The following SNED1 variants were observed in gnomAD, a reference collection of about 807,000 sequenced individuals.
SNED1 encodes the protein sushi, nidogen and EGF-like domain-containing protein 1.
Under a neutral mutation model 166.7 loss-of-function variants are expected in SNED1, and 81 were observed. That is an observed-to-expected ratio of 0.49 (90% CI 0.41 to 0.58). The LOEUF is 0.58. SNED1 is among the 20% of genes least tolerant of loss of function. The probability of loss-of-function intolerance (pLI) is 0.00; values close to 1 mark genes in which losing one functional copy is unlikely to be tolerated. For synonymous variants in SNED1, 762 were observed against 822.0 expected, an observed-to-expected ratio of 0.93 and a Z score of 1.25; for missense variants, 1,604 against 2,000.2, an observed-to-expected ratio of 0.80 and a Z score of 3.78.
At position 240,998,743 on chromosome 2, in the gene SNED1, G is replaced by A; in HGVS notation, c.-95G>A. 2.1e-6 allele frequency: 1 copy of A among 471,406 alleles called. No individual in the cohort carries two copies. Among genetic ancestry groups the A allele is most frequent in the Non-Finnish European group, 2.8e-6 (1 of 360,930 alleles). The allele number at this position is 471,406 out of a possible 1,614,324, so 29.2% of individuals were successfully genotyped here. A position where few individuals can be genotyped will look rare whatever the true frequency, so the allele number is the denominator to read the frequency against. ...GCCAGCGGGCGCGCCCGCGCTCCCC[G>A]CACCCCGCCTGGCCCTGCCGGCCAC... On this transcript the variant is annotated 5_prime_UTR_variant, in exon 1 of 32. Transcript: ENST00000310397.
intron 1 of SNED1, among the ~76,000 whole-genome samples, chr2:241,026,952 C>T (rs1383512933): frequency 6.6e-6 from 1 of 152,196 alleles, no homozygotes; most frequent in Non-Finnish European, 1.5e-5. Context: ...CTTTCTGTCT[C>T]TATGAATTTG....
intron 28 of SNED1, 44 bp from the exon 29 acceptor site, chr2:241,082,233 G>A (rs751819438): frequency 1.1e-5 from 17 of 1,499,212 alleles, no homozygotes; most frequent in Non-Finnish European, 1.5e-5. Context: ...GGCAGGAGGA[G>A]CCGTCAGGAG....
chr2:241,053,463 T>G lies in SNED1; in HGVS notation c.2257+137T>G. 4.6e-6 allele frequency: 4 copies of G among 863,784 alleles called. No homozygotes were observed. In the Admixed American group the frequency reaches 1.2e-4, roughly 25 times the overall value. 53.5% of individuals were successfully genotyped at this position (863,784 alleles called of 1,614,324 possible). On this transcript the variant is annotated intron_variant, in intron 16 of 31. Coordinates refer to ENST00000310397, the MANE Select transcript of SNED1 (RefSeq NM_001080437.3). Reference sequence around the variant, plus strand: ...CTGGTCCTGCCCCTGCTCCCCTCAGTCTCCTGTCTGTGAATGTGGACCTTG... The same window carrying G: ...CTGGTCCTGCCCCTGCTCCCCTCAGGCTCCTGTCTGTGAATGTGGACCTTG...
intron 1 of SNED1, among the ~76,000 whole-genome samples, chr2:241,008,210 G>T (rs904213910): frequency 2.0e-5 from 3 of 152,250 alleles, no homozygotes; most frequent in Non-Finnish European, 2.9e-5. Flanking sequence ...GATCCCAAGT[G>T]GGGGAACAGA....
chr2:241,006,174 A>G (rs1350592414), intron 1 of SNED1, among the ~76,000 whole-genome samples: 2 of 151,992 alleles, frequency 1.3e-5, no homozygotes, highest in African/African-American at 2.4e-5. Context: ...GGTCTAACCT[A>G]TTCATCCCAT....
At chr2:241,047,020 A>G (rs2061667025) in intron 8 of SNED1, among the ~76,000 whole-genome samples, 1 of 151,822 alleles carries the variant, frequency 6.6e-6, no homozygotes, top group African/African-American at 2.4e-5. Context: ...GCACGTGCTT[A>G]TAATCCCAGC....
intron 16 of SNED1, among the ~76,000 whole-genome samples, chr2:241,058,612 T>C (rs2062135798): frequency 6.6e-6 from 1 of 152,134 alleles, no homozygotes; most frequent in East Asian, 1.9e-4. Flanking sequence ...AAAAGACAGA[T>C]ACAGAGAAAG....
At chr2:241,074,729 T>A (rs1011835958) in intron 27 of SNED1, 1 of 152,202 alleles carries the variant, frequency 6.6e-6, no homozygotes, top group Non-Finnish European at 1.5e-5. Flanking sequence ...CCAGTCATGA[T>A]CTTTGGTTCA....
At position 241,051,426 on chromosome 2, in the gene SNED1, G is replaced by C. The variant is rs1460968701; in HGVS notation, c.1736-318G>C. 3.5e-6 allele frequency: 1 copy of C among 289,786 alleles called. No individual in the cohort carries two copies. Among genetic ancestry groups the C allele is most frequent in the African/African-American group, 2.2e-5 (1 of 46,216 alleles). The allele number at this position is 289,786 out of a possible 1,614,324, so 18.0% of individuals were successfully genotyped here. A position where few individuals can be genotyped will look rare whatever the true frequency, so the allele number is the denominator to read the frequency against. On this transcript the variant is annotated intron_variant, in intron 12 of 31. Transcript: ENST00000310397. The surrounding 1 kb of genome is among the most constrained non-coding windows in gnomAD (Gnocchi z 4.7). The stretch of plus-strand genomic sequence containing the variant: ...GGGGAATGCCCGTGTGCAGGAGGGA[G>C]GGAGTGCTGCGCCCGCTGCAGTGTT...
At position 241,082,262 on chromosome 2, in the gene SNED1, CCTT is replaced by C. The variant is rs764673147; in HGVS notation, c.4034-11_4034-9del. The stretch of plus-strand genomic sequence containing the variant: ...TCAGGAGCACCTGGTGAGCCACTGC[CCTT>C]CTTTGTCGCAGCCTGTATAAAGGTG... On this transcript the variant is annotated splice_polypyrimidine_tract_variant and intron_variant, in intron 28 of 31. Transcript: ENST00000310397. 3 of 1,592,570 alleles carry C rather than the reference CCTT, an allele frequency of 1.9e-6. No individual in the cohort carries two copies. The highest frequency in any genetic ancestry group is 2.2e-5 in the South Asian group (2 of 90,320).
intron 2 of SNED1, among the ~76,000 whole-genome samples, chr2:241,032,571 A>C (rs370067844): frequency 6.6e-6 from 1 of 151,880 alleles, no homozygotes; most frequent in African/African-American, 2.4e-5. Context: ...CCAACATGGC[A>C]CATGTATACA....
chr2:241,024,462 TG>T (rs928947752), intron 1 of SNED1, among the ~76,000 whole-genome samples: 30 of 151,082 alleles, frequency 2.0e-4, no homozygotes, highest in African/African-American at 7.0e-4. Flanking sequence ...TTGGCCAGGC[TG>T]GTCTTGAACT....
At chr2:241,060,825 G>A (rs13024191) in intron 16 of SNED1, among the ~76,000 whole-genome samples, 37,169 of 151,870 alleles carry the variant, frequency 0.24, 4,933 homozygotes, top group Middle Eastern at 0.33. Context: ...CAGCTACTCA[G>A]GAGGCTAGGG....
chr2:241,074,910 T>A (rs940938432), intron 27 of SNED1: 1 of 152,174 alleles, frequency 6.6e-6, no homozygotes, highest in Admixed American at 6.5e-5. Flanking sequence ...TGCCTAGAAT[T>A]CCTTTGTTTT....
At chr2:241,022,191 C>T (rs994031593) in intron 1 of SNED1, among the ~76,000 whole-genome samples, 5 of 152,164 alleles carry the variant, frequency 3.3e-5, no homozygotes, top group African/African-American at 1.2e-4. Flanking sequence ...TTTTCATTTC[C>T]TAAAGGTGTC....
intron 2 of SNED1, 111 bp downstream of exon 2, chr2:241,030,682 T>C (rs1574927690): frequency 2.6e-6 from 3 of 1,142,450 alleles, no homozygotes; most frequent in East Asian, 5.1e-5. Flanking sequence ...CACTGGTCCA[T>C]ACCCAAGAGG....
intron 1 of SNED1, among the ~76,000 whole-genome samples, chr2:241,003,362 C>T (rs981285639): frequency 3.3e-5 from 5 of 152,322 alleles, no homozygotes; most frequent in Admixed American, 3.3e-4. Context: ...GAAGGACTCT[C>T]TCTTCCACCC....
At chr2:241,002,335 C>T (rs975631829) in intron 1 of SNED1, among the ~76,000 whole-genome samples, 4 of 152,198 alleles carry the variant, frequency 2.6e-5, no homozygotes, top group Admixed American at 2.0e-4. Context: ...ACTGCCATCT[C>T]TGCTCTCTTC....
At chr2:241,003,272 C>T (rs1444000789) in intron 1 of SNED1, among the ~76,000 whole-genome samples, 2 of 152,200 alleles carry the variant, frequency 1.3e-5, no homozygotes, top group Non-Finnish European at 2.9e-5. Flanking sequence ...CACATCCATC[C>T]TCATGCCACC....
Sources: allele counts gnomAD v4.1 joint callset (sites outside exome capture counted in the v4.1 genomes callset), GRCh38; gene constraint gnomAD v4.1.1; non-coding constraint Gnocchi (gnomAD v3.1); transcripts MANE v1.5; gene names NCBI Gene and HGNC (gene_info 2026-07-23, HGNC 2026-07-21).